TFDP2: variants seen among roughly 807,000 people sequenced by gnomAD.
TFDP2 encodes transcription factor Dp-2 (E2F dimerization partner 2).
Under a neutral mutation model 59.3 loss-of-function variants are expected in TFDP2, and 17 were observed. That is an observed-to-expected ratio of 0.29 (90% CI 0.20 to 0.43). TFDP2 has a LOEUF of 0.43. Among genes scored for constraint, TFDP2 ranks in the 20% least tolerant of loss-of-function variants. The pLI is 1.00. For missense variants in TFDP2, 391 were observed against 528.8 expected, an observed-to-expected ratio of 0.74 and a Z score of 2.56; for synonymous variants, 180 against 194.7, an observed-to-expected ratio of 0.92 and a Z score of 0.63.
rs144867937 is a variant in TFDP2, at chr3:142,003,409, C to T, written c.186+2032G>A. 2.2e-3 allele frequency among the ~76,000 whole-genome samples: 330 copies of T among 152,216 alleles called. 7 individuals are homozygous for T. The highest frequency in any genetic ancestry group is 7.5e-3 in the African/African-American group (311 of 41,524). ...CCTCCCAAAGTGCTGGGATTACAGG[C>T]GTGAGACACCACACCCAGCCTCAAC... On this transcript the variant is annotated intron_variant, in intron 4 of 12. Coordinates refer to ENST00000489671, the MANE Select transcript of TFDP2 (RefSeq NM_001178139.2).
At position 141,948,193 on chromosome 3, in the gene TFDP2, T is replaced by TA. The variant is rs1300520782; in HGVS notation, c.*4319dup. The TA allele has an allele frequency of 6.6e-6, 1 of 152,142 alleles. No individual in the cohort carries two copies. Among genetic ancestry groups the TA allele is most frequent in the Non-Finnish European group, 1.5e-5 (1 of 68,064 alleles). 9.4% of individuals were successfully genotyped at this position (152,142 alleles called of 1,614,324 possible). The stretch of plus-strand genomic sequence containing the variant: ...GTTGGGCAGGGACAGCCCATTTTGT[T>TA]AGGGGAGGGAGCTTGATAGATATTA... On this transcript the variant is annotated 3_prime_UTR_variant, in exon 13 of 13. Coordinates refer to ENST00000489671, the MANE Select transcript of TFDP2 (RefSeq NM_001178139.2).
Position 141,945,596 on chromosome 3 carries a change from G to C in TFDP2, c.*6917C>G, listed in dbSNP as rs550208588. Reference sequence around the variant, plus strand: ...ACACTGAGAGGTTGAACCTGCCATGGAACTACTGGGAAAACTAGAACTGCA... The same window carrying C: ...ACACTGAGAGGTTGAACCTGCCATGCAACTACTGGGAAAACTAGAACTGCA... On this transcript the variant is annotated 3_prime_UTR_variant, in exon 13 of 13. Coordinates refer to ENST00000489671, the MANE Select transcript of TFDP2 (RefSeq NM_001178139.2). 1 of 152,376 alleles carries C rather than the reference G, an allele frequency of 6.6e-6. No individual in the cohort carries two copies. The highest frequency in any genetic ancestry group is 2.1e-4 in the South Asian group (1 of 4,830). The allele number at this position is 152,376 out of a possible 1,614,324, so 9.4% of individuals were successfully genotyped here. A position where few individuals can be genotyped will look rare whatever the true frequency, so the allele number is the denominator to read the frequency against.
At position 142,114,786 on chromosome 3, in the gene TFDP2, T is replaced by A. The variant is rs564961619; in HGVS notation, c.-92-12945A>T. ...AGAAGAAAATAAAAATTACTCTAAATCTTACTATTGAAAGATAAGAACCTA... is the reference window on the plus strand; with the variant it reads ...AGAAGAAAATAAAAATTACTCTAAAACTTACTATTGAAAGATAAGAACCTA... On this transcript the variant is annotated intron_variant, in intron 1 of 12. Transcript: ENST00000489671. 1.8e-4 allele frequency among the ~76,000 whole-genome samples: 27 copies of A among 152,238 alleles called. 1 individual carries two copies. The South Asian group carries it at 5.4e-3, about 30-fold the overall frequency.
intron 5 of TFDP2, 58 bp from the exon 6 acceptor site, chr3:141,993,643 A>G: frequency 9.9e-7 from 1 of 1,013,342 alleles, no homozygotes; most frequent in African/African-American, 1.7e-5. Context: ...ATTTAATTTC[A>G]TTAATACTTT....
At chr3:142,143,635 T>C (rs1017625010) in intron 1 of TFDP2, among the ~76,000 whole-genome samples, 2 of 152,110 alleles carry the variant, frequency 1.3e-5, no homozygotes, top group African/African-American at 2.4e-5. Flanking sequence ...AAATGGCAAA[T>C]AGTCATTCGA....
At chr3:142,095,161 T>G (rs148121694) in intron 2 of TFDP2, among the ~76,000 whole-genome samples, 1 of 152,170 alleles carries the variant, frequency 6.6e-6, no homozygotes, top group Admixed American at 6.5e-5. Flanking sequence ...CAGCTAATTA[T>G]GTATTTTCAG....
chr3:142,107,274 C>A (rs1457676788), intron 1 of TFDP2, among the ~76,000 whole-genome samples: 1 of 151,434 alleles, frequency 6.6e-6, no homozygotes. Context: ...CTCTGTCACC[C>A]AGGCTGGAGT....
chr3:141,974,246 CAT>C, intron 7 of TFDP2, 55 bp from the exon 8 acceptor site: 1 of 1,456,664 alleles, frequency 6.9e-7, no homozygotes, highest in Non-Finnish European at 9.2e-7. Flanking sequence ...GATACAGTCA[CAT>C]GATATGAATA....
At chr3:141,996,635 A>G (rs1384738418) in intron 4 of TFDP2, among the ~76,000 whole-genome samples, 5 of 152,252 alleles carry the variant, frequency 3.3e-5, no homozygotes, top group African/African-American at 1.2e-4. Context: ...AGGATTAATA[A>G]GCATTTCAAG....
chr3:142,034,258 G>T (rs905371108), intron 3 of TFDP2, among the ~76,000 whole-genome samples: 8 of 151,862 alleles, frequency 5.3e-5, no homozygotes, highest in Non-Finnish European at 5.9e-5. Flanking sequence ...ACCACGCCTG[G>T]CTAATTTTTT....
At chr3:142,112,089 G>A (rs1175223072) in intron 1 of TFDP2, among the ~76,000 whole-genome samples, 1 of 152,000 alleles carries the variant, frequency 6.6e-6, no homozygotes, top group Non-Finnish European at 1.5e-5. Context: ...TAAATCAGAT[G>A]AGTGGGAAGC....
At chr3:142,097,659 G>A (rs549511627) in intron 2 of TFDP2, among the ~76,000 whole-genome samples, 14 of 152,008 alleles carry the variant, frequency 9.2e-5, no homozygotes, top group Middle Eastern at 3.4e-3. Context: ...CACTCCAGCC[G>A]GGGCAACAGA....
intron 1 of TFDP2, among the ~76,000 whole-genome samples, chr3:142,130,477 C>T (rs1056420075): frequency 1.3e-5 from 2 of 150,852 alleles, no homozygotes; most frequent in African/African-American, 4.9e-5. Flanking sequence ...GTTTTTTTAC[C>T]GTATTTACTA....
intron 3 of TFDP2, among the ~76,000 whole-genome samples, chr3:142,011,591 A>T (rs182944112): frequency 8.5e-4 from 73 of 85,432 alleles, no homozygotes; most frequent in African/African-American, 2.1e-3. Context: ...AAAGTATAAT[A>T]AAAAAAAAAA....
At chr3:142,128,616 T>C (rs538343294) in intron 1 of TFDP2, among the ~76,000 whole-genome samples, 1 of 140,454 alleles carries the variant, frequency 7.1e-6, no homozygotes, top group African/African-American at 2.7e-5. Context: ...GAGGCCAAGA[T>C]AACAAAACAG....
Position 142,093,061 on chromosome 3 carries a change from C to A in TFDP2, c.82G>T (p.Gly28Cys). The A allele has an allele frequency of 6.5e-7, 1 of 1,530,654 alleles. No homozygotes were observed. The highest frequency in any genetic ancestry group is 8.7e-7 in the Non-Finnish European group (1 of 1,144,846). The allele number at this position is 1,530,654 out of a possible 1,614,324, so 94.8% of individuals were successfully genotyped here. ...AAAAATTTTATTCAATAATCCTTACCTTTTGTTGGACTGAGATTCTGATCT... is the reference window on the plus strand; with the variant it reads ...AAAAATTTTATTCAATAATCCTTACATTTTGTTGGACTGAGATTCTGATCT... ...FIDQNLSPTK[G>C]NISFVAFPVS... The change falls in exon 3 of 13, where the codon GGC (glycine) becomes TGC (cysteine). Residue 28 changes from glycine to cysteine, a missense_variant and splice_region_variant. Physicochemically the swap from Gly to Cys is radical, Grantham distance 159 (BLOSUM62 -3). Around this residue, in one of 3 missense-constraint regions of TFDP2, gnomAD observed 162 missense variants for 206.8 expected, o/e 0.78. Transcript: ENST00000489671.
At chr3:141,971,374 TAA>T (rs56219575) in intron 8 of TFDP2, among the ~76,000 whole-genome samples, 148 of 80,000 alleles carry the variant, frequency 1.9e-3, no homozygotes, top group African/African-American at 6.1e-3. Flanking sequence ...TCGTCTCTAC[TAA>T]AAAAAAAAAA....
intron 3 of TFDP2, among the ~76,000 whole-genome samples, chr3:142,068,033 T>C (rs1014387592): frequency 2.9e-5 from 4 of 136,098 alleles, no homozygotes; most frequent in African/African-American, 1.1e-4. Context: ...ACTGTAACTA[T>C]AAAGCCACAA....
chr3:141,997,465 C>T (rs1285537393), intron 4 of TFDP2, among the ~76,000 whole-genome samples: 1 of 152,040 alleles, frequency 6.6e-6, no homozygotes, highest in African/African-American at 2.4e-5. Flanking sequence ...TTCCAATTTA[C>T]CCTTGAAACA....
Sources: gnomAD v4.1 joint callset for allele counts (sites outside exome capture counted in the v4.1 genomes callset) on GRCh38, gnomAD v4.1.1 for gene constraint, gnomAD v4.1.1 regional missense constraint, MANE v1.5 for transcripts, NCBI Gene and HGNC (gene_info 2026-07-23, HGNC 2026-07-21) for gene names.